The following SPTBN5 variants were observed in gnomAD, a reference collection of about 807,000 sequenced individuals.
The protein encoded by SPTBN5 is spectrin beta, non-erythrocytic 5, also known as spectrin beta chain, non-erythrocytic 5.
Under a neutral mutation model 477.6 loss-of-function variants are expected in SPTBN5, and 513 were observed. The ratio of observed to expected loss-of-function variants is 1.07; its 90% CI spans 1.00 to 1.16. SPTBN5 has a LOEUF of 1.16. Ranked by LOEUF, SPTBN5 falls within the 50% of genes most tolerant of loss-of-function variation. SPTBN5 has a pLI of 0.00. For missense variants in SPTBN5, 5,062 were observed against 4,731.8 expected, an observed-to-expected ratio of 1.07 and a Z score of -2.05; for synonymous variants, 2,169 against 2,011.7, an observed-to-expected ratio of 1.08 and a Z score of -2.09.
intron 43 of SPTBN5, 77 bp from the exon 44 acceptor site, chr15:41,862,369 T>G: frequency 6.5e-7 from 1 of 1,530,360 alleles, no homozygotes; most frequent in Non-Finnish European, 8.8e-7. Flanking sequence ...CTTCTGTCCC[T>G]TAATCCCCTC....
At chr15:41,892,123 T>A (rs1373614019) in intron 3 of SPTBN5, among the ~76,000 whole-genome samples, 2 of 152,088 alleles carry the variant, frequency 1.3e-5, no homozygotes, top group African/African-American at 4.8e-5. Flanking sequence ...CTGGCTTTCC[T>A]CCAACACACC....
rs866495443 is a variant in SPTBN5 at position 41,871,385 on chromosome 15, G to A, written c.5437C>T (p.Gln1813Ter). ...SAGPMVRQRQQDLQTAWSELW... is the reference protein window; with the variant it reads ...SAGPMVRQRQ ...CCGTTGGGCACTCACTGCAGATCCT[G>A]CTGCCTCTGACGGACCATGGGGCCA... The change falls in exon 29 of 68, where the codon CAG becomes TAG. Residue 1813 changes from glutamine (Q) to a stop codon, truncating the protein, a stop_gained. Coordinates refer to ENST00000320955, the MANE Select transcript of SPTBN5 (RefSeq NM_016642.4). LOFTEE classifies it high-confidence loss of function. The A allele has an allele frequency of 6.9e-7, 1 of 1,455,508 alleles. No homozygotes were observed. The highest frequency in any genetic ancestry group is 9.1e-7 in the Non-Finnish European group (1 of 1,101,132). The allele number at this position is 1,455,508 out of a possible 1,614,324, so 90.2% of individuals were successfully genotyped here. A position where few individuals can be genotyped will look rare whatever the true frequency, so the allele number is the denominator to read the frequency against.
chr15:41,888,344 T>C (rs60616708), intron 4 of SPTBN5, among the ~76,000 whole-genome samples: 6,175 of 152,360 alleles, frequency 0.041, 224 homozygotes, highest in East Asian at 0.2. Flanking sequence ...GCTGGCTTTG[T>C]GTCACCACAG....
At position 41,852,293 on chromosome 15, in the gene SPTBN5, C is replaced by T; in HGVS notation, c.10473G>A (p.Gln3491=). 1 of 1,596,158 alleles carries T rather than the reference C, an allele frequency of 6.3e-7. No homozygotes were observed. Among genetic ancestry groups the T allele is most frequent in the Non-Finnish European group, 8.5e-7 (1 of 1,171,302 alleles). ...KTEMEQELLL[Q]PQELKPGRAG... is the part of the protein sequence containing the mutation. ...CTCTCCCGGGCTTCAGCTCCTGTGG[C>T]TGCAGCAGGAGCTCCTGTTCCATCT... Residue 3491 remains glutamine (Q), a synonymous_variant, in exon 62 of 68, where the codon CAG becomes CAA. Transcript: ENST00000320955.
intron 13 of SPTBN5, 40 bp from the exon 14 acceptor site, chr15:41,880,352 C>A: frequency 1.9e-6 from 3 of 1,551,918 alleles, no homozygotes; most frequent in Admixed American, 2.0e-5. Flanking sequence ...AGGGTCAGGG[C>A]CCCCGACAGG....
chr15:41,885,994 G>A lies in SPTBN5; in HGVS notation c.1261C>T (p.Leu421=), dbSNP rs773304091. Residue 421 remains leucine (L), a synonymous_variant, in exon 7 of 68, where the codon CTG becomes TTG. Transcript: ENST00000320955. The part of the protein sequence containing the change: ...SQALQQRLLQ[L]QRLETLARRF... ...CGGGCCAGGGTTTCTAGCCGCTGCA[G>A]CTGCAGTAGCCTCTGCTGCAGGGCC... 1.3e-6 allele frequency: 2 copies of A among 1,549,126 alleles called. No homozygotes were observed. Among genetic ancestry groups the A allele is most frequent in the Admixed American group, 4.1e-5 (2 of 49,158 alleles).
intron 14 of SPTBN5, 66 bp from the exon 15 acceptor site, chr15:41,879,930 A>G (rs1567222604): frequency 6.3e-7 from 1 of 1,593,366 alleles, no homozygotes; most frequent in Non-Finnish European, 8.6e-7. Context: ...CCTCTAGCCT[A>G]TGACGGACCT....
Position 41,871,832 on chromosome 15 carries a change from G to A in SPTBN5, c.5251C>T (p.Gln1751Ter). 1.3e-6 allele frequency: 2 copies of A among 1,590,638 alleles called. No individual in the cohort carries two copies. Among genetic ancestry groups the A allele is most frequent in the South Asian group, 2.3e-5 (2 of 86,940 alleles). The change falls in exon 28 of 68, where the codon CAG (glutamine) becomes TAG (stop). Residue 1751 changes from glutamine to a stop codon, truncating the protein, a stop_gained. Transcript: ENST00000320955. LOFTEE classifies it high-confidence loss of function. ...DLQGWLASQK[Q>*]AAKGGESLGE... ...AGGCTCTCCCCTCCTTTGGCTGCCT[G>A]CTTCTGGCTTGCCAGCCAGCCCTGC...
At chr15:41,856,121 G>A (rs1567186302) in intron 53 of SPTBN5, among the ~76,000 whole-genome samples, 1 of 152,208 alleles carries the variant, frequency 6.6e-6, no homozygotes, top group Non-Finnish European at 1.5e-5. Flanking sequence ...AGTAATTGAG[G>A]TATAATCGTT....
chr15:41,892,687 T>A (rs3784277), intron 3 of SPTBN5: 21,133 of 544,290 alleles, frequency 0.039, 864 homozygotes, highest in East Asian at 0.18. Flanking sequence ...GCTACTGCCA[T>A]GGCCAGCTGG....
rs781748660 is a variant in SPTBN5, at chr15:41,882,102, C to T, written c.2291G>A (p.Arg764Gln). Reference protein sequence around the residue: ...AAEAASWLRERRSSLERASCG... With the variant: ...AAEAASWLREQRSSLERASCG... ...GGACGCTCTCTCCAGCGAGGATCGCCGCTCGCGCAGCCACGAAGCCGCCTC... is the reference window on the plus strand; with the variant it reads ...GGACGCTCTCTCCAGCGAGGATCGCTGCTCGCGCAGCCACGAAGCCGCCTC... Residue 764 changes from arginine (R) to glutamine (Q), a missense_variant, in exon 12 of 68, where the codon CGG becomes CAG. Transcript: ENST00000320955. The T allele has an allele frequency of 4.4e-5, 70 of 1,573,990 alleles. 1 individual carries two copies. The East Asian group carries it at 1.1e-3, about 25-fold the overall frequency.
At position 41,875,589 on chromosome 15, in the gene SPTBN5, C is replaced by T. The variant is rs1271257552; in HGVS notation, c.4156G>A (p.Gly1386Ser). ...GRELLSRRPCGQEDIQTRLQG... is the reference protein window; with the variant it reads ...GRELLSRRPCSQEDIQTRLQG... ...AGCCTGGTCTGTATGTCCTCCTGGCCACAGGGCCTCCTACTCAACAGCTCT... is the reference window on the plus strand; with the variant it reads ...AGCCTGGTCTGTATGTCCTCCTGGCTACAGGGCCTCCTACTCAACAGCTCT... The change falls in exon 22 of 68, where the codon GGC becomes AGC. Residue 1386 changes from glycine (G) to serine (S), a missense_variant. Physicochemically the swap from Gly to Ser is moderately conservative, Grantham distance 56 (BLOSUM62 0). Coordinates refer to ENST00000320955, the MANE Select transcript of SPTBN5 (RefSeq NM_016642.4). The T allele has an allele frequency of 1.9e-6, 3 of 1,601,296 alleles. No individual in the cohort carries two copies. In the East Asian group the frequency reaches 6.8e-5, roughly 36 times the overall value.
At chr15:41,872,157 A>G in intron 27 of SPTBN5, 145 bp downstream of exon 27, 1 of 1,146,718 alleles carries the variant, frequency 8.7e-7, no homozygotes, top group Middle Eastern at 3.0e-4. Context: ...TTATGGAAAG[A>G]GGTGAGCAAC....
intron 45 of SPTBN5, 99 bp downstream of exon 45, chr15:41,861,636 A>G (rs951289353): frequency 1.3e-6 from 2 of 1,501,398 alleles, no homozygotes; most frequent in African/African-American, 1.4e-5. Flanking sequence ...TCCCTGGCAC[A>G]GCAGCCCCTC....
Position 41,886,234 on chromosome 15 carries a change from T to A in SPTBN5, c.1021A>T (p.Met341Leu), listed in dbSNP as rs980349470. 2.1e-5 allele frequency: 34 copies of A among 1,613,006 alleles called. No individual in the cohort carries two copies. Among genetic ancestry groups the A allele is most frequent in the Admixed American group, 3.3e-5 (2 of 60,012 alleles). The change falls in exon 7 of 68, where the codon ATG (methionine) becomes TTG (leucine). Residue 341 changes from methionine to leucine, a missense_variant. Coordinates refer to ENST00000320955, the MANE Select transcript of SPTBN5 (RefSeq NM_016642.4). ...ARDFPDSLPA[M>L]RQLLAAFTIF... is the part of the protein sequence containing the mutation. ...GTGAATGCTGCCAGTAGCTGCCGCA[T>A]GGCGGGCAGCGAGTCTGGAAAATCC...
chr15:41,882,840 T>C, intron 9 of SPTBN5, 102 bp from the exon 10 acceptor site: 1 of 1,445,920 alleles, frequency 6.9e-7, no homozygotes, highest in Admixed American at 2.4e-5. Context: ...GGATTTTTCT[T>C]TTCCCTGGAT....
intron 26 of SPTBN5, among the ~76,000 whole-genome samples, chr15:41,873,061 C>T (rs966949222): frequency 2.0e-5 from 3 of 152,140 alleles, no homozygotes; most frequent in Non-Finnish European, 4.4e-5. Flanking sequence ...TCCCTTCAGC[C>T]AGGGGATGTT....
chr15:41,861,986 TG>T, intron 44 of SPTBN5, 63 bp from the exon 45 acceptor site: 2 of 1,547,994 alleles, frequency 1.3e-6, no homozygotes, highest in East Asian at 2.4e-5. Flanking sequence ...AGGAGAGAGG[TG>T]GGGAAGCAGC....
chr15:41,864,782 G>A (rs1041365412), intron 39 of SPTBN5, among the ~76,000 whole-genome samples: 2 of 152,214 alleles, frequency 1.3e-5, no homozygotes, highest in Non-Finnish European at 2.9e-5. Context: ...TTAAAGGTAC[G>A]CAGGGAGGGG....
Sources: gnomAD v4.1 joint callset for allele counts (sites outside exome capture counted in the v4.1 genomes callset) on GRCh38, gnomAD v4.1.1 for gene constraint, MANE v1.5 for transcripts, NCBI Gene and HGNC (gene_info 2026-07-23, HGNC 2026-07-21) for gene names.